Variants in EYA2 observed in about 807,000 individuals in gnomAD.
EYA2 encodes the protein protein phosphatase EYA2.
EYA2 carries 31 observed loss-of-function variants against 69.2 expected under a neutral mutation model. That is an observed-to-expected ratio of 0.45 (90% CI 0.34 to 0.60). The LOEUF is 0.60. Among genes scored for constraint, EYA2 ranks in the 20% least tolerant of loss-of-function variants. The pLI is 0.02. For synonymous variants in EYA2, 257 were observed against 279.4 expected, an observed-to-expected ratio of 0.92 and a Z score of 0.80; for missense variants, 622 against 701.2, an observed-to-expected ratio of 0.89 and a Z score of 1.28.
chr20:47,095,396 A>G (rs970384305), intron 8 of EYA2, among the ~76,000 whole-genome samples: 3 of 152,136 alleles, frequency 2.0e-5, no homozygotes, highest in Non-Finnish European at 4.4e-5. Context: ...AGAAAACAGT[A>G]GAAAAGATGG....
intron 4 of EYA2, among the ~76,000 whole-genome samples, chr20:47,012,700 G>T (rs987029105): frequency 1.3e-5 from 2 of 152,150 alleles, no homozygotes; most frequent in Admixed American, 1.3e-4. Context: ...CGCCATGTTA[G>T]CCAGGCTGAT....
At chr20:47,050,216 T>A (rs1260875412) in intron 5 of EYA2, among the ~76,000 whole-genome samples, 4 of 152,224 alleles carry the variant, frequency 2.6e-5, no homozygotes, top group Non-Finnish European at 5.9e-5. Flanking sequence ...AGCTTGGCTT[T>A]CTCTCTTGTT....
intron 1 of EYA2, among the ~76,000 whole-genome samples, chr20:46,903,412 C>T (rs552017983): frequency 3.4e-4 from 52 of 152,336 alleles, no homozygotes; most frequent in African/African-American, 1.2e-3. Flanking sequence ...CAGGCTTACT[C>T]GGCCGACAGC....
At chr20:46,909,990 T>C (rs1314660088) in intron 1 of EYA2, among the ~76,000 whole-genome samples, 1 of 152,242 alleles carries the variant, frequency 6.6e-6, no homozygotes, top group Admixed American at 6.5e-5. Context: ...CCCATGGGCC[T>C]GGAAGATTAT....
At chr20:46,917,579 G>A (rs1000844327) in intron 1 of EYA2, among the ~76,000 whole-genome samples, 1 of 152,174 alleles carries the variant, frequency 6.6e-6, no homozygotes, top group African/African-American at 2.4e-5. Context: ...GAGATGCTGC[G>A]GGGTTGGTTC....
chr20:46,984,992 G>C (rs930916588), intron 1 of EYA2, among the ~76,000 whole-genome samples: 2 of 152,186 alleles, frequency 1.3e-5, no homozygotes, highest in Non-Finnish European at 2.9e-5. Context: ...AAAATAAACA[G>C]CCTTCTAAAC....
intron 11 of EYA2, 40 bp from the exon 12 acceptor site, chr20:47,172,657 GCCCTGCACCC>G: frequency 6.5e-7 from 1 of 1,539,668 alleles, no homozygotes; most frequent in Non-Finnish European, 8.8e-7. Flanking sequence ...CAGGGAAGAT[GCCCTGCACCC>G]CCCTGCACTA....
intron 1 of EYA2, among the ~76,000 whole-genome samples, chr20:46,984,053 A>C (rs904512391): frequency 6.6e-6 from 1 of 152,308 alleles, no homozygotes; most frequent in East Asian, 1.9e-4. Context: ...AAAATGGCTT[A>C]TTTTTGTTTT....
intron 1 of EYA2, among the ~76,000 whole-genome samples, chr20:46,968,755 C>T (rs891702674): frequency 1.3e-4 from 20 of 152,064 alleles, no homozygotes; most frequent in Non-Finnish European, 2.4e-4. Flanking sequence ...TGCCAGGTGT[C>T]CTCTGGGCAG....
chr20:47,114,230 C>T (rs771541946), intron 9 of EYA2, among the ~76,000 whole-genome samples: 1 of 152,236 alleles, frequency 6.6e-6, no homozygotes, highest in Non-Finnish European at 1.5e-5. Context: ...AGTGCCTGCA[C>T]TAAAAGCCTC....
intron 12 of EYA2, among the ~76,000 whole-genome samples, chr20:47,176,523 A>G (rs116191038): frequency 0.017 from 2,582 of 152,270 alleles, 66 homozygotes; most frequent in African/African-American, 0.059. Flanking sequence ...GGCTATTTGA[A>G]CTCAGTATTC....
intron 5 of EYA2, among the ~76,000 whole-genome samples, chr20:47,042,400 T>C (rs1473806032): frequency 1.3e-5 from 2 of 152,346 alleles, no homozygotes; most frequent in African/African-American, 2.4e-5. Context: ...TTTTGTATCA[T>C]CACTGGTGGT....
chr20:46,964,004 G>T (rs1230911062), intron 1 of EYA2, among the ~76,000 whole-genome samples: 2 of 152,252 alleles, frequency 1.3e-5, no homozygotes, highest in African/African-American at 4.8e-5. Flanking sequence ...ACATCAGCGG[G>T]TTATGAAATC....
intron 10 of EYA2, chr20:47,161,631 C>T: frequency 4.7e-6 from 1 of 214,898 alleles, no homozygotes; most frequent in Non-Finnish European, 9.3e-6. Context: ...GCCCCCGATG[C>T]CCCTGCTGAA....
At chr20:47,105,076 A>G (rs904148054) in intron 9 of EYA2, among the ~76,000 whole-genome samples, 2 of 152,078 alleles carry the variant, frequency 1.3e-5, no homozygotes, top group African/African-American at 4.8e-5. Flanking sequence ...TTGACTCTTC[A>G]TTTTATCCCA....
Position 46,963,012 on chromosome 20 carries a change from GCTCTACCC to G in EYA2, c.-10-26985_-10-26978del, listed in dbSNP as rs368065014. Among the ~76,000 whole-genome samples the G allele has an allele frequency of 1.9e-3, 294 of 152,282 alleles. 2 individuals are homozygous for G. Among genetic ancestry groups the G allele is most frequent in the African/African-American group, 6.7e-3 (278 of 41,552 alleles). On this transcript the variant is annotated intron_variant, in intron 1 of 15. Transcript: ENST00000327619. The stretch of plus-strand genomic sequence containing the variant: ...GGTGTATAAATACCACTGCTCCCTC[GCTCTACCC>G]CTCCACCCCGTGGGATGACGGCAAG...
At chr20:47,135,842 C>CAAAAAAAAACAAAAAAAAAA (rs1266669397) in intron 9 of EYA2, among the ~76,000 whole-genome samples, 1 of 54,026 alleles carries the variant, frequency 1.9e-5, no homozygotes, top group Non-Finnish European at 2.9e-5. Flanking sequence ...AAAAAAAAAA[C>CAAAAAAAAACAAAAAAAAAA]AAACAAACAA....
At chr20:47,118,015 C>T (rs946018736) in intron 9 of EYA2, among the ~76,000 whole-genome samples, 8 of 152,218 alleles carry the variant, frequency 5.3e-5, no homozygotes, top group Admixed American at 5.2e-4. Flanking sequence ...CCTGGCCAGA[C>T]CCTTGCAGGA....
Position 47,000,812 on chromosome 20 carries a change from G to GGA in EYA2, c.110-613_110-612dup, listed in dbSNP as rs1982318532. On this transcript the variant is annotated intron_variant, in intron 2 of 15. Coordinates refer to ENST00000327619, the MANE Select transcript of EYA2 (RefSeq NM_005244.5). ...GCTCCACCACCCTAGATGGAGCTTA[G>GGA]GAGATGATCGAAGTGGTTCCTTCCC... Among the ~76,000 whole-genome samples, 6 of 152,168 alleles carry GGA rather than the reference G, an allele frequency of 3.9e-5. No individual in the cohort carries two copies. The South Asian group carries it at 1.2e-3, about 32-fold the overall frequency.
Sources: allele counts gnomAD v4.1 joint callset (sites outside exome capture counted in the v4.1 genomes callset), GRCh38; gene constraint gnomAD v4.1.1; transcripts MANE v1.5; gene names NCBI Gene and HGNC (gene_info 2026-07-23, HGNC 2026-07-21).